Variants in PPM1H observed in about 807,000 individuals in gnomAD.
The protein encoded by PPM1H is protein phosphatase, Mg2+/Mn2+ dependent 1H.
In PPM1H, 27 loss-of-function variants were observed where a neutral mutation model predicts 54.9. That is an observed-to-expected ratio of 0.49 (90% confidence interval 0.36 to 0.68). The LOEUF (loss-of-function observed/expected upper bound fraction) is 0.68, where lower values mean the gene tolerates loss of function less well. PPM1H is among the 30% of genes least tolerant of loss of function. The pLI is 0.00. For missense variants in PPM1H, 596 were observed against 667.8 expected (o/e 0.89, Z 1.19); for synonymous variants, 305 against 270.8 (o/e 1.13, Z -1.24).
At chr12:62,848,449 C>T (rs1038013736) in intron 1 of PPM1H, among the ~76,000 whole-genome samples, 3 of 152,148 alleles carry the variant, frequency 2.0e-5, no homozygotes, top group Non-Finnish European at 2.9e-5. Context: ...CTTTCCATGG[C>T]AAGCTATATT....
At chr12:62,928,682 C>T (rs940399781) in intron 1 of PPM1H, among the ~76,000 whole-genome samples, 1 of 152,174 alleles carries the variant, frequency 6.6e-6, no homozygotes, top group Admixed American at 6.5e-5. Flanking sequence ...TAGCAAGAAT[C>T]CCCCAAACTT....
chr12:62,821,304 C>T (rs1402015245), intron 2 of PPM1H, among the ~76,000 whole-genome samples: 1 of 152,050 alleles, frequency 6.6e-6, no homozygotes, highest in East Asian at 1.9e-4. Flanking sequence ...TTTGGTGTAC[C>T]TGAAAGTGAC....
chr12:62,669,757 T>C, intron 8 of PPM1H, among the ~76,000 whole-genome samples: 1 of 151,886 alleles, frequency 6.6e-6, no homozygotes, highest in South Asian at 2.1e-4. Flanking sequence ...CATAGTGAGA[T>C]CCTATCTCTA....
chr12:62,689,782 C>T lies in PPM1H; in HGVS notation c.1162G>A (p.Val388Met). The change falls in exon 8 of 10, where the codon GTG (valine) becomes ATG (methionine). Residue 388 changes from valine (V) to methionine (M), a missense_variant. Physicochemically the swap from Val to Met is conservative, Grantham distance 21. Around this residue, in one of 3 missense-constraint regions of PPM1H, gnomAD observed 208 missense variants for 259.5 expected, o/e 0.80. Transcript: ENST00000228705. ...TCATGGTCCCCAAGTCCCCTGGTCA[C>T]TCCAATAGTTGCCATTACCCGGGCC... ...KKARVMATIG[V>M]TRGLGDHDLK... 4 of 1,613,436 alleles carry T rather than the reference C, an allele frequency of 2.5e-6. No individual in the cohort carries two copies. Among genetic ancestry groups the T allele is most frequent in the Non-Finnish European group, 3.4e-6 (4 of 1,179,642 alleles).
At position 62,770,741 on chromosome 12, in the gene PPM1H, G is replaced by A. The variant is rs374093479; in HGVS notation, c.869+17485C>T. Among the ~76,000 whole-genome samples, 149 of 152,264 alleles carry A rather than the reference G, an allele frequency of 9.8e-4. 1 individual carries two copies. The highest frequency in any genetic ancestry group is 3.5e-3 in the African/African-American group (145 of 41,556). On this transcript the variant is annotated intron_variant, in intron 4 of 9. Coordinates refer to ENST00000228705, the MANE Select transcript of PPM1H (RefSeq NM_020700.2). ...AAGCAGCAAAACAGGAGTGAAAAGC[G>A]AGCAGAGAGATGAATCAGTGTGAAA...
intron 2 of PPM1H, among the ~76,000 whole-genome samples, chr12:62,804,574 G>A (rs1410996636): frequency 2.0e-5 from 3 of 151,432 alleles, no homozygotes; most frequent in Non-Finnish European, 4.4e-5. Context: ...CTCCTTGGAA[G>A]AATCTAATTA....
At chr12:62,797,619 G>T (rs138185946) in intron 3 of PPM1H, among the ~76,000 whole-genome samples, 1 of 152,212 alleles carries the variant, frequency 6.6e-6, no homozygotes, top group African/African-American at 2.4e-5. Context: ...AAAACCAAAG[G>T]TTTACACGGT....
At chr12:62,753,578 T>C (rs2076453958) in intron 4 of PPM1H, among the ~76,000 whole-genome samples, 1 of 152,234 alleles carries the variant, frequency 6.6e-6, no homozygotes, top group African/African-American at 2.4e-5. Flanking sequence ...TCTTGCATCC[T>C]CACCCCCTAC....
In PPM1H at chr12:62,681,802, T is replaced by A. The variant is rs76570985; in HGVS notation, c.1245+7897A>T. The stretch of plus-strand genomic sequence containing the variant: ...ATATGTTCCCCAGTGCTCTACTCAG[T>A]AAACACCACCGGACTCATGATACCT... On this transcript the variant is annotated intron_variant, in intron 8 of 9. Transcript: ENST00000228705. Among the ~76,000 whole-genome samples, 518 of 152,292 alleles carry A rather than the reference T, an allele frequency of 3.4e-3. 3 individuals carry two copies. Among genetic ancestry groups the A allele is most frequent in the African/African-American group, 0.012 (492 of 41,564 alleles).
chr12:62,649,972 T>C (rs950264883), intron 9 of PPM1H, among the ~76,000 whole-genome samples: 2 of 152,202 alleles, frequency 1.3e-5, no homozygotes, highest in Non-Finnish European at 2.9e-5. Context: ...CCTGTGGGCC[T>C]TTTACAAGGG....
intron 5 of PPM1H, among the ~76,000 whole-genome samples, chr12:62,727,759 C>T (rs2076298211): frequency 6.6e-6 from 1 of 151,578 alleles, no homozygotes; most frequent in African/African-American, 2.4e-5. Flanking sequence ...CTCCCAGGTT[C>T]AAGTGATTCT....
chr12:62,897,249 T>TA lies in PPM1H; in HGVS notation c.245+37242dup, dbSNP rs145205676. Reference sequence around the variant, plus strand: ...ATGTACCCTAGAACTTAAAGTATAATAAAAAAAAATTGCCAGTGTTTTTTC... The same window carrying TA: ...ATGTACCCTAGAACTTAAAGTATAATAAAAAAAAAATTGCCAGTGTTTTTTC... On this transcript the variant is annotated intron_variant, in intron 1 of 9. Coordinates refer to ENST00000228705, the MANE Select transcript of PPM1H (RefSeq NM_020700.2). 5.9e-5 allele frequency among the ~76,000 whole-genome samples: 9 copies of TA among 151,474 alleles called. 1 individual carries two copies. The highest frequency in any genetic ancestry group is 4.2e-4 in the South Asian group (2 of 4,778).
intron 1 of PPM1H, among the ~76,000 whole-genome samples, chr12:62,898,162 G>T (rs1459330307): frequency 2.0e-5 from 3 of 152,124 alleles, no homozygotes; most frequent in Non-Finnish European, 4.4e-5. Flanking sequence ...GCATTTCATT[G>T]TCAATGGATG....
At position 62,703,975 on chromosome 12, in the gene PPM1H, CGTGTGTGTGT is replaced by C. The variant is rs4026211; in HGVS notation, c.1074-9986_1074-9977del. On this transcript the variant is annotated intron_variant, in intron 6 of 9. Transcript: ENST00000228705. ...CTCACTACATGAAAGAGAGAGAAAG[CGTGTGTGTGT>C]GTGTGTGTGTGTGTGTGTGTGTGTG... Among the ~76,000 whole-genome samples the C allele has an allele frequency of 4.1e-4, 60 of 146,564 alleles. 1 individual carries two copies. The highest frequency in any genetic ancestry group is 1.3e-3 in the South Asian group (6 of 4,482).
intron 1 of PPM1H, among the ~76,000 whole-genome samples, chr12:62,856,796 A>G (rs778044141): frequency 2.0e-5 from 3 of 152,102 alleles, no homozygotes; most frequent in Non-Finnish European, 4.4e-5. Context: ...TGCACTGAAA[A>G]TTTTACTTTA....
At chr12:62,701,684 T>TTTG (rs2120381163) in intron 6 of PPM1H, among the ~76,000 whole-genome samples, 1 of 151,628 alleles carries the variant, frequency 6.6e-6, no homozygotes, top group African/African-American at 2.4e-5. Flanking sequence ...TTGTTTGTTT[T>TTTG]TTTTTTTTGA....
chr12:62,838,380 C>T (rs1868579097), intron 1 of PPM1H, among the ~76,000 whole-genome samples: 3 of 151,084 alleles, frequency 2.0e-5, no homozygotes, highest in South Asian at 4.2e-4. Flanking sequence ...CCAAATAAAG[C>T]TATCAATTAT....
At chr12:62,807,497 A>G (rs2076811709) in intron 2 of PPM1H, among the ~76,000 whole-genome samples, 1 of 152,220 alleles carries the variant, frequency 6.6e-6, no homozygotes, top group Admixed American at 6.5e-5. Context: ...ATTACAGGTG[A>G]GAAGATTTGG....
Position 62,913,702 on chromosome 12 carries a change from G to A in PPM1H, c.245+20790C>T, listed in dbSNP as rs575190316. ...AAGCATTCAATATACTGGTTTTTTG[G>A]GGGGTTCTTTTTTGGTGGGACAGAG... On this transcript the variant is annotated intron_variant, in intron 1 of 9. Coordinates refer to ENST00000228705, the MANE Select transcript of PPM1H (RefSeq NM_020700.2). 8.5e-5 allele frequency among the ~76,000 whole-genome samples: 13 copies of A among 152,132 alleles called. No homozygotes were observed. The South Asian group carries it at 2.3e-3, about 27-fold the overall frequency.
Sources: allele counts gnomAD v4.1 joint callset (sites outside exome capture counted in the v4.1 genomes callset), GRCh38; gene constraint gnomAD v4.1.1; regional missense constraint gnomAD v4.1.1; transcripts MANE v1.5; gene names NCBI Gene and HGNC (gene_info 2026-07-23, HGNC 2026-07-21).